Variants in MED12L observed in about 807,000 individuals in gnomAD.
The protein encoded by MED12L is mediator of RNA polymerase II transcription subunit 12-like protein.
Under a neutral mutation model 281.3 loss-of-function variants are expected in MED12L, and 60 were observed. That is an observed-to-expected ratio of 0.21 (90% CI 0.17 to 0.26). MED12L has a LOEUF of 0.26. Among genes scored for constraint, MED12L ranks in the 10% least tolerant of loss-of-function variants. MED12L has a pLI of 1.00. For missense variants in MED12L, 2,146 were observed against 2,680.9 expected (o/e 0.80, Z 4.41); for synonymous variants, 974 against 987.2 (o/e 0.99, Z 0.25).
chr3:151,346,821 A>T (rs1752605831), intron 16 of MED12L, among the ~76,000 whole-genome samples: 1 of 152,060 alleles, frequency 6.6e-6, no homozygotes, highest in African/African-American at 2.4e-5. Flanking sequence ...TAGGGCCCAT[A>T]TCAAACCAAT....
chr3:151,347,152 C>G (rs1560057679), intron 16 of MED12L, among the ~76,000 whole-genome samples: 1 of 151,738 alleles, frequency 6.6e-6, no homozygotes. Flanking sequence ...ACCCTACAAA[C>G]TTTTTTACTC....
At chr3:151,168,083 C>T (rs1720944089) in intron 11 of MED12L, among the ~76,000 whole-genome samples, 1 of 151,974 alleles carries the variant, frequency 6.6e-6, no homozygotes, top group Non-Finnish European at 1.5e-5. Flanking sequence ...AGTTACAGCA[C>T]TCTCAAGAAA....
At chr3:151,309,445 C>G (rs1362756076) in intron 16 of MED12L, among the ~76,000 whole-genome samples, 2 of 152,166 alleles carry the variant, frequency 1.3e-5, no homozygotes, top group Non-Finnish European at 2.9e-5. Flanking sequence ...GGATACAACT[C>G]AGGCTCCTCT....
intron 8 of MED12L, 148 bp downstream of exon 8, chr3:151,160,249 T>G: frequency 1.3e-6 from 1 of 755,888 alleles, no homozygotes; most frequent in Non-Finnish European, 2.1e-6. Flanking sequence ...TTTTATGTTT[T>G]TATTTCCCTG....
chr3:151,417,487 C>CCCCCTCTTT (rs1717736742), intron 43 of MED12L, among the ~76,000 whole-genome samples: 1 of 78,818 alleles, frequency 1.3e-5, no homozygotes, highest in Admixed American at 1.7e-4. Flanking sequence ...CCCCCCCCGC[C>CCCCCTCTTT]TTTTTTTTTT....
At chr3:151,427,119 T>G (rs1718963440) in intron 43 of MED12L, among the ~76,000 whole-genome samples, 1 of 152,200 alleles carries the variant, frequency 6.6e-6, no homozygotes, top group Non-Finnish European at 1.5e-5. Context: ...GTGCCTGGCC[T>G]GGTTTACATT....
chr3:151,225,044 C>A (rs1353588316), intron 16 of MED12L, among the ~76,000 whole-genome samples: 5 of 152,102 alleles, frequency 3.3e-5, no homozygotes, highest in Non-Finnish European at 5.9e-5. Flanking sequence ...CATCAGCCTC[C>A]TAGCTTTTCT....
chr3:151,328,087 T>C, intron 16 of MED12L: 1 of 1,610,080 alleles, frequency 6.2e-7, no homozygotes, highest in Non-Finnish European at 8.5e-7. Flanking sequence ...TTTCTGTGAA[T>C]TTTTTACATA....
intron 16 of MED12L, among the ~76,000 whole-genome samples, chr3:151,243,672 G>A (rs1297168408): frequency 1.3e-5 from 2 of 151,890 alleles, no homozygotes; most frequent in East Asian, 1.9e-4. Context: ...ATGCCAAAAT[G>A]TAAAGACCAT....
chr3:151,266,138 A>G (rs935027380), intron 16 of MED12L, among the ~76,000 whole-genome samples: 2 of 152,132 alleles, frequency 1.3e-5, no homozygotes, highest in Admixed American at 6.5e-5. Context: ...TTGCAGCACA[A>G]CGTTGTTACG....
At chr3:151,241,256 T>C (rs1056696196) in intron 16 of MED12L, among the ~76,000 whole-genome samples, 9 of 152,240 alleles carry the variant, frequency 5.9e-5, no homozygotes, top group African/African-American at 2.2e-4. Flanking sequence ...ATTTTTTACC[T>C]TCAAAAATGG....
chr3:151,355,991 C>T lies in MED12L; in HGVS notation c.2613C>T (p.Leu871=). 6.2e-7 allele frequency: 1 copy of T among 1,614,110 alleles called. No homozygotes were observed. The highest frequency in any genetic ancestry group is 1.1e-5 in the South Asian group (1 of 91,076). Residue 871 remains leucine (L), a synonymous_variant, in exon 19 of 45, where the codon CTC becomes CTT. Coordinates refer to ENST00000687756, the MANE Select transcript of MED12L (RefSeq NM_001393769.1). ...ACCACATTCAGCTCATCTTTGATCTCATGGAGCCAGCACTGAACATCAACG... is the reference window on the plus strand; with the variant it reads ...ACCACATTCAGCTCATCTTTGATCTTATGGAGCCAGCACTGAACATCAACG... ...LAHHIQLIFD[L]MEPALNINGL...
intron 2 of MED12L, among the ~76,000 whole-genome samples, chr3:151,106,838 C>G (rs1722136994): frequency 6.6e-6 from 1 of 152,158 alleles, no homozygotes; most frequent in Non-Finnish European, 1.5e-5. Context: ...TACTTCAACT[C>G]TTTTATGTTT....
rs1376471701 is a variant in MED12L, at chr3:151,244,236, G to A, written c.2250+50570G>A. 9.6e-5 allele frequency among the ~76,000 whole-genome samples: 13 copies of A among 134,948 alleles called. No individual in the cohort carries two copies. The East Asian group carries it at 2.5e-3, about 26-fold the overall frequency. 88.5% of individuals were successfully genotyped at this position (134,948 alleles called of 152,430 possible). ...GACAGAAAGTCAACAAGGATACCCAGGAATTGAACTCAGCTCTGCACCAAG... is the reference window on the plus strand; with the variant it reads ...GACAGAAAGTCAACAAGGATACCCAAGAATTGAACTCAGCTCTGCACCAAG... On this transcript the variant is annotated intron_variant, in intron 16 of 44. Transcript: ENST00000687756.
chr3:151,150,159 A>G (rs753611263), intron 5 of MED12L, among the ~76,000 whole-genome samples: 3 of 152,224 alleles, frequency 2.0e-5, no homozygotes, highest in Non-Finnish European at 4.4e-5. Flanking sequence ...AGGAATCACT[A>G]TCTGTGGCAG....
At chr3:151,356,092 A>G in intron 19 of MED12L, 53 bp downstream of exon 19, 2 of 1,565,350 alleles carry the variant, frequency 1.3e-6, no homozygotes, top group Non-Finnish European at 8.7e-7. Flanking sequence ...TCCACCAGGC[A>G]TTGTGCAATT....
At chr3:151,375,628 T>G (rs1190435051) in intron 27 of MED12L, among the ~76,000 whole-genome samples, 1 of 152,184 alleles carries the variant, frequency 6.6e-6, no homozygotes, top group Non-Finnish European at 1.5e-5. Context: ...CTATGTTGTA[T>G]CTAGTCAGTG....
chr3:151,094,805 A>T (rs1720504135), intron 2 of MED12L, among the ~76,000 whole-genome samples: 1 of 152,198 alleles, frequency 6.6e-6, no homozygotes, highest in Non-Finnish European at 1.5e-5. Flanking sequence ...GATATGTACT[A>T]CTTTTGTCAT....
At chr3:151,297,297 A>G (rs1745230280) in intron 16 of MED12L, among the ~76,000 whole-genome samples, 1 of 152,238 alleles carries the variant, frequency 6.6e-6, no homozygotes. Flanking sequence ...CCAAATCAGT[A>G]TCAGTGACGT....
Sources: gnomAD v4.1 joint callset for allele counts (sites outside exome capture counted in the v4.1 genomes callset) on GRCh38, gnomAD v4.1.1 for gene constraint, MANE v1.5 for transcripts, NCBI Gene and HGNC (gene_info 2026-07-23, HGNC 2026-07-21) for gene names.